VDAC1: variants seen among roughly 807,000 people sequenced by gnomAD.
VDAC1 encodes the protein voltage dependent anion channel 1.
A neutral mutation model predicts 34.7 loss-of-function variants in VDAC1; 10 were observed. That is an observed-to-expected ratio of 0.29 (90% CI 0.18 to 0.49). The LOEUF is 0.49. Among genes scored for constraint, VDAC1 ranks in the 20% least tolerant of loss-of-function variants. The pLI is 0.99. For synonymous variants in VDAC1, 130 were observed against 136.0 expected (o/e 0.96, Z 0.30); for missense variants, 230 against 347.9 (o/e 0.66, Z 2.69).
the VDAC1 span, among the ~76,000 whole-genome samples, chr5:134,014,936 A>G: frequency 6.6e-6 from 1 of 152,214 alleles, no homozygotes; most frequent in Non-Finnish European, 1.5e-5. Context: ...GTGATTCACA[A>G]TAGCAGAGAC....
chr5:134,075,047 T>G, the VDAC1 span, among the ~76,000 whole-genome samples: 1 of 152,144 alleles, frequency 6.6e-6, no homozygotes, highest in African/African-American at 2.4e-5. Context: ...TTTCATACAC[T>G]ATGCACACAG....
the VDAC1 span, among the ~76,000 whole-genome samples, chr5:134,039,600 A>G: frequency 1.3e-5 from 2 of 152,200 alleles, no homozygotes; most frequent in African/African-American, 2.4e-5. Context: ...AAGTGCTGGG[A>G]TTACAGGCGT....
chr5:134,086,266 A>G, the VDAC1 span, among the ~76,000 whole-genome samples: 1 of 152,218 alleles, frequency 6.6e-6, no homozygotes, highest in Non-Finnish European at 1.5e-5. Flanking sequence ...TTTAGAAAGA[A>G]AAAACAATCA....
At chr5:134,068,604 T>A in the VDAC1 span, among the ~76,000 whole-genome samples, 1 of 152,170 alleles carries the variant, frequency 6.6e-6, no homozygotes. Context: ...TTTCTGTGGT[T>A]TCTTTTAGGA....
the VDAC1 span, among the ~76,000 whole-genome samples, chr5:134,074,860 C>T: frequency 6.6e-6 from 1 of 152,214 alleles, no homozygotes; most frequent in East Asian, 1.9e-4. Context: ...ATGAAGACAT[C>T]CACCACCAAA....
chr5:134,039,590 A>G, the VDAC1 span, among the ~76,000 whole-genome samples: 1 of 152,126 alleles, frequency 6.6e-6, no homozygotes, highest in Non-Finnish European at 1.5e-5. Context: ...TGGCCTCCCA[A>G]AGTGCTGGGA....
chr5:134,075,308 AT>A, the VDAC1 span, among the ~76,000 whole-genome samples: 1 of 74,388 alleles, frequency 1.3e-5, no homozygotes, highest in East Asian at 3.6e-4. Context: ...CATTCACACT[AT>A]TCACACTGCA....
the VDAC1 span, among the ~76,000 whole-genome samples, chr5:134,070,534 C>A: frequency 1.4e-4 from 22 of 152,286 alleles, no homozygotes; most frequent in South Asian, 4.3e-3. Flanking sequence ...CTAAGATAAT[C>A]ACAGTCATCC....
the VDAC1 span, among the ~76,000 whole-genome samples, chr5:134,046,129 C>T: frequency 1.3e-5 from 2 of 151,544 alleles, no homozygotes; most frequent in African/African-American, 4.9e-5. Flanking sequence ...GGGTTCACGC[C>T]ATTCTCCTGC....
At chr5:134,081,140 T>G in the VDAC1 span, among the ~76,000 whole-genome samples, 1 of 151,896 alleles carries the variant, frequency 6.6e-6, no homozygotes, top group Non-Finnish European at 1.5e-5. Flanking sequence ...CAGGTTCAAG[T>G]GATTCTCCTG....
chr5:134,010,725 A>T, the VDAC1 span, among the ~76,000 whole-genome samples: 1 of 152,218 alleles, frequency 6.6e-6, no homozygotes, highest in Non-Finnish European at 1.5e-5. Flanking sequence ...AACTATGGTA[A>T]GTACAACAAT....
At chr5:134,007,801 G>A (rs1316687535), upstream of VDAC1, among the ~76,000 whole-genome samples, 1 of 152,128 alleles carries the variant, frequency 6.6e-6, no homozygotes, top group Non-Finnish European at 1.5e-5. Flanking sequence ...GGTGGCTCTG[G>A]GCCCCTGTTC....
intron 1 of VDAC1, among the ~76,000 whole-genome samples, chr5:134,004,307 G>C (rs984912452): frequency 6.6e-6 from 1 of 151,952 alleles, no homozygotes; most frequent in Non-Finnish European, 1.5e-5. Flanking sequence ...CGCCGCCGGG[G>C]AAGGTCACCT....
At chr5:134,084,688 T>G in the VDAC1 span, among the ~76,000 whole-genome samples, 1 of 152,286 alleles carries the variant, frequency 6.6e-6, no homozygotes, top group Non-Finnish European at 1.5e-5. Context: ...CAGGCCTGCC[T>G]GCCTTCCCAA....
At chr5:134,092,910 C>T in the VDAC1 span, among the ~76,000 whole-genome samples, 28,546 of 152,146 alleles carry the variant, frequency 0.19, 5,277 homozygotes, top group African/African-American at 0.48. Flanking sequence ...CAGAGACCAG[C>T]GGAGCTGCTA....
At chr5:134,005,798 G>A (rs897730043), upstream of VDAC1, among the ~76,000 whole-genome samples, 2 of 152,210 alleles carry the variant, frequency 1.3e-5, no homozygotes, top group Non-Finnish European at 2.9e-5. Context: ...CAGGTTTCGA[G>A]AATTAATTCG....
At chr5:134,019,365 C>T in the VDAC1 span, among the ~76,000 whole-genome samples, 6 of 152,106 alleles carry the variant, frequency 3.9e-5, no homozygotes, top group South Asian at 6.2e-4. Flanking sequence ...ATTGCTTGAG[C>T]CCAGGAGTTC....
intron 7 of VDAC1, 50 bp downstream of exon 7, chr5:133,975,821 A>G: frequency 6.2e-7 from 1 of 1,603,292 alleles, no homozygotes; most frequent in South Asian, 1.1e-5. Flanking sequence ...ATTCCAACAT[A>G]AAGAGCAGAT....
Sources: allele counts gnomAD v4.1 joint callset (sites outside exome capture counted in the v4.1 genomes callset), GRCh38; gene constraint gnomAD v4.1.1; transcripts MANE v1.5; gene names NCBI Gene and HGNC (gene_info 2026-07-23, HGNC 2026-07-21).